Variants in SETD1B observed in about 807,000 individuals in gnomAD.
SETD1B encodes SET domain containing 1B, histone lysine methyltransferase, also known as histone-lysine N-methyltransferase SETD1B.
A neutral mutation model predicts 148.0 loss-of-function variants in SETD1B; 7 were observed. That is an observed-to-expected ratio of 0.05 (90% CI 0.03 to 0.09). SETD1B has a LOEUF of 0.09. SETD1B is among the 10% of genes least tolerant of loss of function. The probability of loss-of-function intolerance (pLI) is 1.00; values close to 1 mark genes in which losing one functional copy is unlikely to be tolerated. For missense variants in SETD1B, 2,155 were observed against 2,729.9 expected (o/e 0.79, Z 4.69); for synonymous variants, 1,361 against 1,186.5 (o/e 1.15, Z -3.02).
chr12:121,824,999 AAG>A (rs1876771018), intron 12 of SETD1B, among the ~76,000 whole-genome samples, 199 bp from the exon 13 acceptor site: 3 of 151,516 alleles, frequency 2.0e-5, no homozygotes, highest in Non-Finnish European at 4.4e-5. Context: ...AAAAAAAAAA[AAG>A]ACACCTAGAG....
chr12:121,793,678 G>C, the SETD1B span: 1 of 1,469,530 alleles, frequency 6.8e-7, no homozygotes, highest in South Asian at 1.3e-5. Flanking sequence ...GGGCACTAGC[G>C]GAGCCAAGAG....
rs978887912 is a variant in SETD1B, at chr12:121,804,080, A to AGCG, written c.-159_-157dup. On this transcript the variant is annotated 5_prime_UTR_variant, in exon 1 of 17. Coordinates refer to ENST00000604567, the MANE Select transcript of SETD1B (RefSeq NM_001353345.2). This position sits in a 1 kb window ranked among gnomAD's most constrained non-coding sequence, Gnocchi z 4.6. ...CCGCCTCCCGGGCAGCAGCAGCAGCAGCGGCGGCGGCAGCGGCAGCAGCTC... is the reference window on the plus strand; with the variant it reads ...CCGCCTCCCGGGCAGCAGCAGCAGCAGCGGCGGCGGCGGCAGCGGCAGCAGCTC... 9 of 152,928 alleles carry AGCG rather than the reference A, an allele frequency of 5.9e-5. No homozygotes were observed. Among genetic ancestry groups the AGCG allele is most frequent in the East Asian group, 3.9e-4 (2 of 5,170 alleles). The allele number at this position is 152,928 out of a possible 1,614,324, so 9.5% of individuals were successfully genotyped here.
Position 121,805,299 on chromosome 12 carries a change from C to T in SETD1B, c.273+83C>T. On this transcript the variant is annotated intron_variant, in intron 3 of 16. Coordinates refer to ENST00000604567, the MANE Select transcript of SETD1B (RefSeq NM_001353345.2). This position sits in a 1 kb window ranked among gnomAD's most constrained non-coding sequence, Gnocchi z 4.2. ...AACGCCAGTCCTGACCGAGCCCAGC[C>T]GGATTCCCAGTTCCCGCCGTCCGGG... 1 of 1,214,338 alleles carries T rather than the reference C, an allele frequency of 8.2e-7. No homozygotes were observed. The highest frequency in any genetic ancestry group is 2.6e-5 in the East Asian group (1 of 38,900). 75.2% of individuals were successfully genotyped at this position (1,214,338 alleles called of 1,614,324 possible).
In SETD1B at chr12:121,814,543, G is replaced by C. The variant is rs2137560999; in HGVS notation, c.2328G>C (p.Gln776His). The change falls in exon 7 of 17, where the codon CAG becomes CAC. Residue 776 changes from glutamine (Q) to histidine (H), a missense_variant. This residue lies in a region of SETD1B where 289 missense variants were observed against 423.7 expected (regional missense o/e 0.68). Transcript: ENST00000604567. ...GQWGGMPMSF[Q>H]MQTQVLSRLM... The stretch of plus-strand genomic sequence containing the variant: ...GGGGCGGCATGCCCATGTCCTTCCA[G>C]ATGCAAACGCAGGTGCTCAGCCGGC... The C allele has an allele frequency of 6.7e-7, 1 of 1,488,666 alleles. No homozygotes were observed. The allele number at this position is 1,488,666 out of a possible 1,614,324, so 92.2% of individuals were successfully genotyped here. A position where few individuals can be genotyped will look rare whatever the true frequency, so the allele number is the denominator to read the frequency against.
At position 121,808,306 on chromosome 12, in the gene SETD1B, A is replaced by C; in HGVS notation, c.643A>C (p.Asn215His). ...GELDAVSPIV[N>H]ETLQLSDALK... ...GCTGGACGCTGTCTCTCCAATCGTG[A>C]ATGAGACCCTGCAGGTGGGTTTATG... Residue 215 changes from asparagine to histidine, a missense_variant, in exon 5 of 17, where the codon AAT becomes CAT. By Grantham distance (68) the Asn-to-His change is moderately conservative (BLOSUM62 1). Coordinates refer to ENST00000604567, the MANE Select transcript of SETD1B (RefSeq NM_001353345.2). This position sits in a 1 kb window ranked among gnomAD's most constrained non-coding sequence, Gnocchi z 5.3. 5 of 1,546,536 alleles carry C rather than the reference A, an allele frequency of 3.2e-6. No individual in the cohort carries two copies. Among genetic ancestry groups the C allele is most frequent in the Non-Finnish European group, 4.4e-6 (5 of 1,144,596 alleles).
At chr12:121,795,210 C>T in the SETD1B span, 1 of 152,380 alleles carries the variant, frequency 6.6e-6, no homozygotes, top group South Asian at 2.1e-4. Context: ...AGGCACTGGG[C>T]AAAGGGTAAT....
chr12:121,807,444 TAAA>T (rs33988047), intron 4 of SETD1B, among the ~76,000 whole-genome samples: 35 of 132,710 alleles, frequency 2.6e-4, no homozygotes, highest in Admixed American at 3.7e-4. Flanking sequence ...TTCAATTCTG[TAAA>T]AAAAAAAAAA....
chr12:121,814,943 G>C lies in SETD1B; in HGVS notation c.2715+13G>C. The C allele has an allele frequency of 6.5e-7, 1 of 1,531,068 alleles. No homozygotes were observed. The allele number at this position is 1,531,068 out of a possible 1,614,324, so 94.8% of individuals were successfully genotyped here. A position where few individuals can be genotyped will look rare whatever the true frequency, so the allele number is the denominator to read the frequency against. ...GCGGATGGCCAAGGTGGGTGGGTGG[G>C]TGCAGGGCTCTGCAGGGTGGCTGTG... On this transcript the variant is annotated intron_variant, in intron 7 of 16. Transcript: ENST00000604567.
At chr12:121,828,153 G>A (rs1249647572) in intron 16 of SETD1B, 83 bp downstream of exon 16, 3 of 1,507,160 alleles carry the variant, frequency 2.0e-6, no homozygotes, top group South Asian at 1.3e-5. Flanking sequence ...GGAAGCCCCG[G>A]CACGGGAATC....
In SETD1B at chr12:121,804,642, C is replaced by A; in HGVS notation, c.-14-82C>A. ...CAAGGTGGGAGGGGGTGGGGGCCTG[C>A]CGATTGGATTCTTTCGCGTGTGTGT... is the stretch of plus-strand genomic sequence containing the variant. On this transcript the variant is annotated intron_variant, in intron 1 of 16. Transcript: ENST00000604567. This position sits in a 1 kb window ranked among gnomAD's most constrained non-coding sequence, Gnocchi z 4.6. 1 of 1,255,486 alleles carries A rather than the reference C, an allele frequency of 8.0e-7. No individual in the cohort carries two copies. Among genetic ancestry groups the A allele is most frequent in the Non-Finnish European group, 1.1e-6 (1 of 908,074 alleles). 77.8% of individuals were successfully genotyped at this position (1,255,486 alleles called of 1,614,324 possible).
chr12:121,794,691 C>G, the SETD1B span, among the ~76,000 whole-genome samples: 1 of 152,150 alleles, frequency 6.6e-6, no homozygotes, highest in African/African-American at 2.4e-5. Context: ...CTGAATTACC[C>G]GTAACCCCCA....
In SETD1B at chr12:121,817,832, G is replaced by A. The variant is rs1876373265; in HGVS notation, c.3346G>A (p.Glu1116Lys). The A allele has an allele frequency of 5.8e-6, 9 of 1,551,178 alleles. No individual in the cohort carries two copies. Among genetic ancestry groups the A allele is most frequent in the Middle Eastern group, 3.3e-4 (2 of 5,992 alleles). The change falls in exon 10 of 17, where the codon GAG becomes AAG. Residue 1116 changes from glutamate to lysine, a missense_variant. This residue lies in a region of SETD1B where 862 missense variants were observed against 873.8 expected (regional missense o/e 0.99). Transcript: ENST00000604567. This position sits in a 1 kb window ranked among gnomAD's most constrained non-coding sequence, Gnocchi z 8.1. ...CGATGACGACAGTGATGACCGGGAC[G>A]AGTCTGAGAACGATGACGAGGACAC... ...DDDDDSDDRD[E>K]SENDDEDTAL...
intron 10 of SETD1B, 128 bp from the exon 11 acceptor site, chr12:121,819,276 C>G (rs966436714): frequency 8.1e-6 from 12 of 1,477,460 alleles, no homozygotes; most frequent in Non-Finnish European, 1.1e-5. Flanking sequence ...GAACACATGC[C>G]CCACACACAT....
chr12:121,814,989 C>G, intron 7 of SETD1B, 59 bp downstream of exon 7: 1 of 1,416,416 alleles, frequency 7.1e-7, no homozygotes, highest in Non-Finnish European at 9.6e-7. Context: ...GGTCCCCAGC[C>G]GGGCACCTCC....
At chr12:121,803,568 C>T (rs1254643128), upstream of SETD1B, 2 of 152,228 alleles carry the variant, frequency 1.3e-5, no homozygotes, top group Non-Finnish European at 1.5e-5. This position sits in a 1 kb window ranked among gnomAD's most constrained non-coding sequence, Gnocchi z 4.7. Flanking sequence ...CGGCCTCCCC[C>T]CGCGGCTCCC....
In SETD1B at chr12:121,825,288, C is replaced by T. The variant is rs1249505175; in HGVS notation, c.5259C>T (p.Tyr1753=). 9 of 1,551,848 alleles carry T rather than the reference C, an allele frequency of 5.8e-6. No individual in the cohort carries two copies. Among genetic ancestry groups the T allele is most frequent in the East Asian group, 2.4e-5 (1 of 40,916 alleles). The stretch of plus-strand genomic sequence containing the variant: ...GCTGTGCCCGCAGTGAGGGCTTCTA[C>T]ACCATCGACAAGAAGGACAAGCTCA... ...VTGCARSEGF[Y]TIDKKDKLRY... The change falls in exon 13 of 17, where the codon TAC becomes TAT. Residue 1753 remains tyrosine, a synonymous_variant. Transcript: ENST00000604567.
At chr12:121,797,754 A>T in the SETD1B span, 2 of 369,848 alleles carry the variant, frequency 5.4e-6, no homozygotes, top group Non-Finnish European at 1.1e-5. Context: ...CTCGGGCGGC[A>T]GAGGGTAACG....
Position 121,814,169 on chromosome 12 carries a change from A to C in SETD1B, c.1954A>C (p.Thr652Pro). 6.5e-7 allele frequency: 1 copy of C among 1,544,932 alleles called. No individual in the cohort carries two copies. The highest frequency in any genetic ancestry group is 8.7e-7 in the Non-Finnish European group (1 of 1,145,820). ...SDDEMPSAPITSADCPKPMVV... is the reference protein window; with the variant it reads ...SDDEMPSAPIPSADCPKPMVV... The stretch of plus-strand genomic sequence containing the variant: ...TGACGAGATGCCCTCGGCCCCCATC[A>C]CCAGCGCTGACTGCCCCAAGCCCAT... The change falls in exon 7 of 17, where the codon ACC becomes CCC. Residue 652 changes from threonine (T) to proline (P), a missense_variant. Physicochemically the swap from Thr to Pro is conservative, Grantham distance 38. This residue lies in a region of SETD1B where 295 missense variants were observed against 303.8 expected (regional missense o/e 0.97). Coordinates refer to ENST00000604567, the MANE Select transcript of SETD1B (RefSeq NM_001353345.2).
chr12:121,822,509 G>A lies in SETD1B; in HGVS notation c.3930G>A (p.Glu1310=), dbSNP rs796244395. ...ERAPEHDLEV[E]PEPPMMLPLP... is the part of the protein sequence containing the mutation. ...CTGCAGAACATGACCTGGAAGTGGA[G>A]CCGGAGCCCCCTATGATGCTCCCCT... Residue 1310 remains glutamate, a synonymous_variant, in exon 12 of 17, where the codon GAG becomes GAA. Transcript: ENST00000604567. 3.2e-6 allele frequency: 5 copies of A among 1,545,870 alleles called. No individual in the cohort carries two copies. The highest frequency in any genetic ancestry group is 4.4e-6 in the Non-Finnish European group (5 of 1,142,950).
Sources: gnomAD v4.1 joint callset for allele counts (sites outside exome capture counted in the v4.1 genomes callset) on GRCh38, gnomAD v4.1.1 for gene constraint, gnomAD v4.1.1 regional missense constraint, Gnocchi (gnomAD v3.1) non-coding constraint, MANE v1.5 for transcripts, NCBI Gene and HGNC (gene_info 2026-07-23, HGNC 2026-07-21) for gene names.